The following ATP8A2 variants were observed in gnomAD, a reference collection of about 807,000 sequenced individuals.
The protein encoded by ATP8A2 is ATPase phospholipid transporting 8A2, also known as phospholipid-transporting ATPase IB.
Under a neutral mutation model 165.6 loss-of-function variants are expected in ATP8A2, and 100 were observed. That is an observed-to-expected ratio of 0.60 (90% CI 0.51 to 0.71). ATP8A2 has a LOEUF of 0.71. Among genes scored for constraint, ATP8A2 ranks in the 30% least tolerant of loss-of-function variants. The probability of loss-of-function intolerance (pLI) is 0.00; values close to 1 mark genes in which losing one functional copy is unlikely to be tolerated. For synonymous variants in ATP8A2, 543 were observed against 548.8 expected (o/e 0.99, Z 0.15); for missense variants, 1,227 against 1,479.5 (o/e 0.83, Z 2.80).
intron 24 of ATP8A2, among the ~76,000 whole-genome samples, chr13:25,670,479 T>G (rs2042241930): frequency 6.6e-6 from 1 of 152,160 alleles, no homozygotes; most frequent in African/African-American, 2.4e-5. Context: ...CACAATGCCC[T>G]GCTGTCTTAA....
intron 20 of ATP8A2, among the ~76,000 whole-genome samples, chr13:25,578,539 G>A (rs2039682882): frequency 1.3e-5 from 2 of 152,134 alleles, no homozygotes; most frequent in Admixed American, 6.5e-5. Context: ...GTGAATATAG[G>A]CCCCCATGTA....
chr13:25,504,246 T>C (rs1269130485), intron 2 of ATP8A2, among the ~76,000 whole-genome samples: 1 of 152,186 alleles, frequency 6.6e-6, no homozygotes, highest in African/African-American at 2.4e-5. Flanking sequence ...AGATATTATA[T>C]TGATAGAATT....
rs147716428 is a variant in ATP8A2 at position 25,446,192 on chromosome 13, G to A, written c.77-22785G>A. On this transcript the variant is annotated intron_variant, in intron 1 of 36. Transcript: ENST00000381655. ...CCCTGGCTGTCCGTCCAGGCCTGCC[G>A]TCATTGTCTCCTGCCCACCCCCAAT... Among the ~76,000 whole-genome samples the A allele has an allele frequency of 2.1e-4, 32 of 152,184 alleles. No individual in the cohort carries two copies. The East Asian group carries it at 4.1e-3, about 19-fold the overall frequency.
intron 27 of ATP8A2, 81 bp from the exon 28 acceptor site, chr13:25,828,037 A>C (rs1470682120): frequency 1.8e-6 from 2 of 1,109,714 alleles, no homozygotes; most frequent in African/African-American, 3.1e-5. Flanking sequence ...CTGGTGGTCC[A>C]CATTCCCGCT....
intron 24 of ATP8A2, among the ~76,000 whole-genome samples, chr13:25,630,989 A>T (rs2041227709): frequency 6.6e-6 from 1 of 152,178 alleles, no homozygotes; most frequent in South Asian, 2.1e-4. Context: ...AGTGTGAAAT[A>T]ACTGCCTGGG....
At chr13:25,598,943 C>T (rs185941108) in intron 24 of ATP8A2, among the ~76,000 whole-genome samples, 13 of 152,276 alleles carry the variant, frequency 8.5e-5, no homozygotes, top group African/African-American at 2.9e-4. Flanking sequence ...CCTGTTGGTG[C>T]TGCTGCCTAA....
At chr13:25,374,481 G>C (rs1336951051) in intron 1 of ATP8A2, among the ~76,000 whole-genome samples, 1 of 152,148 alleles carries the variant, frequency 6.6e-6, no homozygotes, top group Non-Finnish European at 1.5e-5. Context: ...GTTCAAGAGA[G>C]GTCGCTTTGT....
intron 15 of ATP8A2, among the ~76,000 whole-genome samples, chr13:25,560,689 G>A (rs1177501341): frequency 9.2e-6 from 1 of 108,858 alleles, no homozygotes. Flanking sequence ...GACAGAGTGA[G>A]ACTCTTGTCT....
chr13:25,697,268 T>TTTGTTG lies in ATP8A2; in HGVS notation c.2212-1884_2212-1879dup, dbSNP rs34413425. On this transcript the variant is annotated intron_variant, in intron 24 of 36. Coordinates refer to ENST00000381655, the MANE Select transcript of ATP8A2 (RefSeq NM_016529.6). ...TATTTTCCTTGATAGGGAAAATTCT[T>TTTGTTG]TTGTTGTTGTTGTTGTTGTTGTTGT... Among the ~76,000 whole-genome samples the TTTGTTG allele has an allele frequency of 3.7e-3, 552 of 151,004 alleles. 12 individuals carry two copies. Among genetic ancestry groups the TTTGTTG allele is most frequent in the Middle Eastern group, 3.4e-3 (1 of 294 alleles).
At chr13:25,880,313 T>C (rs1027510355) in intron 33 of ATP8A2, among the ~76,000 whole-genome samples, 2 of 150,976 alleles carry the variant, frequency 1.3e-5, no homozygotes, top group Admixed American at 6.6e-5. Context: ...AGTAGCCACA[T>C]GTCCCATCAG....
At chr13:25,495,247 G>C (rs1283912124) in intron 2 of ATP8A2, among the ~76,000 whole-genome samples, 1 of 152,142 alleles carries the variant, frequency 6.6e-6, no homozygotes, top group Non-Finnish European at 1.5e-5. Flanking sequence ...GTGTGCCATT[G>C]CCTTGGAAAT....
At chr13:25,735,939 G>A (rs1225899227) in intron 25 of ATP8A2, among the ~76,000 whole-genome samples, 1 of 152,184 alleles carries the variant, frequency 6.6e-6, no homozygotes, top group Non-Finnish European at 1.5e-5. Context: ...TGCAAGCTCT[G>A]TTTATGGTAA....
intron 1 of ATP8A2, among the ~76,000 whole-genome samples, chr13:25,408,645 A>G (rs965307197): frequency 1.5e-5 from 2 of 132,080 alleles, no homozygotes; most frequent in African/African-American, 5.6e-5. Context: ...AATGAGTTCT[A>G]TTTATAGGTG....
intron 10 of ATP8A2, among the ~76,000 whole-genome samples, chr13:25,549,874 A>G (rs1456355973): frequency 6.6e-6 from 1 of 152,022 alleles, no homozygotes; most frequent in African/African-American, 2.4e-5. Flanking sequence ...CTTTGAGCAC[A>G]ATTCAGAAAG....
chr13:25,560,281 A>G (rs2039103443), intron 15 of ATP8A2, among the ~76,000 whole-genome samples: 2 of 152,204 alleles, frequency 1.3e-5, no homozygotes, highest in South Asian at 4.1e-4. Flanking sequence ...AAAAAAATTG[A>G]CTGCCCTTGG....
chr13:25,798,407 T>TA (rs1353441262), intron 27 of ATP8A2, among the ~76,000 whole-genome samples: 1 of 152,216 alleles, frequency 6.6e-6, no homozygotes, highest in Non-Finnish European at 1.5e-5. Flanking sequence ...GGCATGGTGT[T>TA]ACATTTGGTG....
At position 25,608,269 on chromosome 13, in the gene ATP8A2, C is replaced by G. The variant is rs528854200; in HGVS notation, c.2211+18570C>G. On this transcript the variant is annotated intron_variant, in intron 24 of 36. Coordinates refer to ENST00000381655, the MANE Select transcript of ATP8A2 (RefSeq NM_016529.6). Reference sequence around the variant, plus strand: ...GAACCCCACAATGGGGAGCAAATCTCCACATGAGATTTGGGGTGACAAAGC... The same window carrying G: ...GAACCCCACAATGGGGAGCAAATCTGCACATGAGATTTGGGGTGACAAAGC... 6.6e-5 allele frequency among the ~76,000 whole-genome samples: 10 copies of G among 152,300 alleles called. No homozygotes were observed. In the South Asian group the frequency reaches 2.1e-3, roughly 32 times the overall value.
intron 33 of ATP8A2, among the ~76,000 whole-genome samples, chr13:25,883,476 C>T (rs1421395251): frequency 6.6e-6 from 1 of 152,178 alleles, no homozygotes; most frequent in Non-Finnish European, 1.5e-5. Flanking sequence ...GGGGTGTGTG[C>T]AAGTCTCTCA....
chr13:25,512,683 G>C (rs1261935931), intron 2 of ATP8A2, among the ~76,000 whole-genome samples: 1 of 146,306 alleles, frequency 6.8e-6, no homozygotes, highest in East Asian at 2.1e-4. Flanking sequence ...CCGGGCGGGG[G>C]GCTGACCCCC....
Sources: gnomAD v4.1 joint callset for allele counts (sites outside exome capture counted in the v4.1 genomes callset) on GRCh38, gnomAD v4.1.1 for gene constraint, MANE v1.5 for transcripts, NCBI Gene and HGNC (gene_info 2026-07-23, HGNC 2026-07-21) for gene names.